RAPGEF6: variants seen among roughly 807,000 people sequenced by gnomAD.
RAPGEF6 encodes Rap guanine nucleotide exchange factor 6.
RAPGEF6 carries 56 observed loss-of-function variants against 171.4 expected under a neutral mutation model. The observed-to-expected ratio is 0.33, with a 90% CI of 0.26 to 0.41. The LOEUF (loss-of-function observed/expected upper bound fraction) is 0.41. Ranked by LOEUF, RAPGEF6 falls within the 10% of genes least tolerant of loss-of-function variation. RAPGEF6 has a pLI of 1.00. For missense variants in RAPGEF6, 1,674 were observed against 1,921.4 expected (o/e 0.87, Z 2.41); for synonymous variants, 692 against 650.1 (o/e 1.06, Z -0.98).
chr5:131,442,320 C>A, intron 23 of RAPGEF6, 29 bp downstream of exon 23: 1 of 1,548,896 alleles, frequency 6.5e-7, no homozygotes, highest in Non-Finnish European at 8.8e-7. Flanking sequence ...TTCAGGTAAA[C>A]GGATGTAATA....
intron 4 of RAPGEF6, 98 bp from the exon 5 acceptor site, chr5:131,562,145 T>C (rs1761641938): frequency 1.3e-6 from 1 of 769,188 alleles, no homozygotes; most frequent in African/African-American, 1.9e-5. Flanking sequence ...AGCCCTGAGA[T>C]ATTATCCAAG....
intron 4 of RAPGEF6, among the ~76,000 whole-genome samples, chr5:131,589,858 C>T (rs1763487683): frequency 2.6e-5 from 4 of 152,326 alleles, no homozygotes; most frequent in Admixed American, 6.5e-5. Context: ...GTTCCCTTCC[C>T]CTTCCTGCCA....
chr5:131,592,906 A>G (rs1763676270), intron 3 of RAPGEF6, among the ~76,000 whole-genome samples: 2 of 152,354 alleles, frequency 1.3e-5, no homozygotes, highest in Middle Eastern at 3.4e-3. Flanking sequence ...ATTAGCACAT[A>G]CAAGTTAAAA....
At chr5:131,630,742 G>A (rs1011211389) in intron 1 of RAPGEF6, among the ~76,000 whole-genome samples, 3 of 152,134 alleles carry the variant, frequency 2.0e-5, no homozygotes, top group South Asian at 4.1e-4. Context: ...ACCTAAGGAC[G>A]ACAGATGGTT....
chr5:131,626,770 T>C (rs1338830885), intron 1 of RAPGEF6, among the ~76,000 whole-genome samples: 1 of 152,188 alleles, frequency 6.6e-6, no homozygotes, highest in Non-Finnish European at 1.5e-5. Flanking sequence ...TACAAATTAA[T>C]GTTATCATCT....
At chr5:131,452,909 T>C in intron 21 of RAPGEF6, 145 bp downstream of exon 21, 5 of 1,031,326 alleles carry the variant, frequency 4.8e-6, no homozygotes, top group Non-Finnish European at 6.6e-6. Context: ...TTATTAATGA[T>C]AAATGATTAC....
At position 131,480,772 on chromosome 5, in the gene RAPGEF6, C is replaced by G. The variant is rs576688421; in HGVS notation, c.1841-1019G>C. Among the ~76,000 whole-genome samples, 15 of 152,046 alleles carry G rather than the reference C, an allele frequency of 9.9e-5. No homozygotes were observed. The South Asian group carries it at 1.5e-3, about 15-fold the overall frequency. On this transcript the variant is annotated intron_variant, in intron 15 of 27. Coordinates refer to ENST00000509018, the MANE Select transcript of RAPGEF6 (RefSeq NM_016340.6). ...GGGATTACAGGCATGAGCCACCATG[C>G]CCGGCCTAATTTTGGTAATTTTAAT...
At chr5:131,564,337 A>G (rs768389423) in intron 4 of RAPGEF6, among the ~76,000 whole-genome samples, 3 of 152,318 alleles carry the variant, frequency 2.0e-5, no homozygotes, top group South Asian at 2.1e-4. Context: ...AGTACTGTGG[A>G]TATGTGAGAA....
chr5:131,580,314 C>A (rs1762872898), intron 4 of RAPGEF6, among the ~76,000 whole-genome samples: 1 of 152,170 alleles, frequency 6.6e-6, no homozygotes, highest in African/African-American at 2.4e-5. Context: ...GCAGCACCAG[C>A]CGGTCACTCC....
chr5:131,625,265 A>AAAAC (rs926772950), intron 1 of RAPGEF6, among the ~76,000 whole-genome samples: 6 of 152,272 alleles, frequency 3.9e-5, no homozygotes, highest in African/African-American at 9.6e-5. Flanking sequence ...TCCGTCTCAA[A>AAAAC]AAACAAACAA....
At chr5:131,486,914 T>C (rs1755932177) in intron 15 of RAPGEF6, among the ~76,000 whole-genome samples, 1 of 152,122 alleles carries the variant, frequency 6.6e-6, no homozygotes, top group South Asian at 2.1e-4. Context: ...ATAAGATCAC[T>C]CATTAGGTCT....
In RAPGEF6 at chr5:131,472,569, A is replaced by G. The variant is rs747418304; in HGVS notation, c.2239+18T>C. On this transcript the variant is annotated intron_variant, in intron 17 of 27. Transcript: ENST00000509018. Reference sequence around the variant, plus strand: ...TTTGGTACCAATACGGCAATATAAAATCACATATGAAAATTACCTGAAGGA... The same window carrying G: ...TTTGGTACCAATACGGCAATATAAAGTCACATATGAAAATTACCTGAAGGA... 1.9e-6 allele frequency: 3 copies of G among 1,608,640 alleles called. No individual in the cohort carries two copies. The highest frequency in any genetic ancestry group is 8.5e-7 in the Non-Finnish European group (1 of 1,175,142).
intron 24 of RAPGEF6, chr5:131,436,328 C>T (rs1238281692): frequency 1.9e-5 from 29 of 1,537,378 alleles, no homozygotes; most frequent in East Asian, 2.4e-5. Flanking sequence ...CCACCTATTC[C>T]GGGGCAGCTC....
chr5:131,462,384 G>A (rs916976328), intron 18 of RAPGEF6, among the ~76,000 whole-genome samples: 1 of 152,068 alleles, frequency 6.6e-6, no homozygotes, highest in African/African-American at 2.4e-5. Flanking sequence ...CCTTGCCCTC[G>A]TAAAGCTTTT....
rs186334387 is a variant in RAPGEF6, at chr5:131,611,119, C to T, written c.70-6426G>A. Among the ~76,000 whole-genome samples the T allele has an allele frequency of 1.2e-3, 189 of 152,308 alleles. 1 individual carries two copies. Among genetic ancestry groups the T allele is most frequent in the African/African-American group, 4.4e-3 (181 of 41,572 alleles). On this transcript the variant is annotated intron_variant, in intron 1 of 27. Coordinates refer to ENST00000509018, the MANE Select transcript of RAPGEF6 (RefSeq NM_016340.6). ...CACTGTTACAGTGCAGTCTAAGGCT[C>T]TTCCACTCAAACTTCCTTTCGTCTC...
intron 7 of RAPGEF6, among the ~76,000 whole-genome samples, chr5:131,513,947 A>C (rs1757909236): frequency 6.6e-6 from 1 of 152,026 alleles, no homozygotes; most frequent in Non-Finnish European, 1.5e-5. Flanking sequence ...AGGATTGCTT[A>C]AGCCTTGGAG....
At position 131,510,488 on chromosome 5, in the gene RAPGEF6, T is replaced by C. The variant is rs1332909072; in HGVS notation, c.631A>G (p.Thr211Ala). 1 of 1,610,220 alleles carries C rather than the reference T, an allele frequency of 6.2e-7. No homozygotes were observed. The highest frequency in any genetic ancestry group is 8.5e-7 in the Non-Finnish European group (1 of 1,178,872). The stretch of plus-strand genomic sequence containing the variant: ...TCTACATCTCCTACCTCACTCTCCG[T>C]AGCCTATGAAAAGAAATCTTGATCA... Reference protein sequence around the residue: ...SSSLSDIYQATESEVGDVDLT... With the variant: ...SSSLSDIYQAAESEVGDVDLT... Residue 211 changes from threonine to alanine, a missense_variant, in exon 8 of 28, where the codon ACG becomes GCG. By Grantham distance (58) the Thr-to-Ala change is moderately conservative. Transcript: ENST00000509018.
chr5:131,570,604 TA>T (rs1368038906), intron 4 of RAPGEF6, among the ~76,000 whole-genome samples: 1 of 152,158 alleles, frequency 6.6e-6, no homozygotes. Context: ...ATCAACAATT[TA>T]AAAAATGGAC....
intron 25 of RAPGEF6, among the ~76,000 whole-genome samples, chr5:131,432,451 T>C (rs1459869379): frequency 6.6e-6 from 1 of 152,058 alleles, no homozygotes; most frequent in Non-Finnish European, 1.5e-5. Context: ...ACCCTGTCTC[T>C]ACTAAAAATA....
Sources: allele counts gnomAD v4.1 joint callset (sites outside exome capture counted in the v4.1 genomes callset), GRCh38; gene constraint gnomAD v4.1.1; transcripts MANE v1.5; gene names NCBI Gene and HGNC (gene_info 2026-07-23, HGNC 2026-07-21).